The following SPON1 variants were observed in gnomAD, a reference collection of about 807,000 sequenced individuals.
SPON1 encodes the protein spondin 1.
In SPON1, 52 loss-of-function variants were observed where a neutral mutation model predicts 111.7. The ratio of observed to expected loss-of-function variants is 0.47; its 90% CI spans 0.37 to 0.59. The LOEUF (loss-of-function observed/expected upper bound fraction) is 0.59, where lower values mean the gene tolerates loss of function less well. Ranked by LOEUF, SPON1 falls within the 20% of genes least tolerant of loss-of-function variation. The pLI is 0.00. For synonymous variants in SPON1, 410 were observed against 395.8 expected (o/e 1.04, Z -0.43); for missense variants, 957 against 1,068.5 (o/e 0.90, Z 1.46).
At chr11:14,132,005 G>T (rs113519070) in intron 5 of SPON1, among the ~76,000 whole-genome samples, 1 of 152,204 alleles carries the variant, frequency 6.6e-6, no homozygotes, top group Non-Finnish European at 1.5e-5. Context: ...TAGGTCGGGC[G>T]CAGTGGCTCA....
chr11:14,047,495 C>G (rs1480815037), intron 3 of SPON1, among the ~76,000 whole-genome samples: 1 of 152,164 alleles, frequency 6.6e-6, no homozygotes, highest in Non-Finnish European at 1.5e-5. Flanking sequence ...TTTCAAAACA[C>G]TTTCAGCCTA....
chr11:14,095,432 AT>A (rs1849092584), intron 5 of SPON1, among the ~76,000 whole-genome samples: 1 of 138,312 alleles, frequency 7.2e-6, no homozygotes, highest in African/African-American at 2.5e-5. Flanking sequence ...AGATAGATAG[AT>A]AGATAGATAG....
At chr11:14,157,424 G>T (rs1554930492) in intron 6 of SPON1, among the ~76,000 whole-genome samples, 1 of 152,072 alleles carries the variant, frequency 6.6e-6, no homozygotes, top group African/African-American at 2.4e-5. Flanking sequence ...TTGCTTGTTA[G>T]AAAATAACAT....
At chr11:14,023,950 C>T (rs1456606668) in intron 2 of SPON1, among the ~76,000 whole-genome samples, 3 of 150,262 alleles carry the variant, frequency 2.0e-5, no homozygotes, top group Admixed American at 2.0e-4. Context: ...TGGAGTGAGC[C>T]AAGATTGGGC....
chr11:14,239,354 A>G (rs1554939478), intron 6 of SPON1, among the ~76,000 whole-genome samples: 2 of 152,188 alleles, frequency 1.3e-5, no homozygotes, highest in Non-Finnish European at 2.9e-5. Context: ...TAGTCCCCCT[A>G]ACAAGCACAT....
rs1554907624 is a variant in SPON1, at chr11:13,962,916, C to T, written c.12C>T (p.Ser4=). 6.5e-7 allele frequency: 1 copy of T among 1,544,998 alleles called. No individual in the cohort carries two copies. The highest frequency in any genetic ancestry group is 1.2e-5 in the South Asian group (1 of 82,856). The change falls in exon 1 of 16, where the codon TCC becomes TCT. Residue 4 remains serine, a synonymous_variant. Transcript: ENST00000576479. ...TGGGGGCCGCGAAGATGAGGCTGTC[C>T]CCGGCGCCCCTGAAGCTGAGCCGGA... The part of the protein sequence containing the change: MRL[S]PAPLKLSRTP...
At chr11:14,160,657 TTATA>T (rs1222553349) in intron 6 of SPON1, among the ~76,000 whole-genome samples, 1 of 25,416 alleles carries the variant, frequency 3.9e-5, no homozygotes, top group Non-Finnish European at 6.8e-5. Flanking sequence ...ATTTATATAT[TTATA>T]TATATATTTA....
intron 3 of SPON1, among the ~76,000 whole-genome samples, chr11:14,060,616 C>T (rs373302330): frequency 3.3e-5 from 5 of 152,196 alleles, no homozygotes; most frequent in African/African-American, 1.2e-4. Context: ...CTTACCTGTC[C>T]TTTGGCCCCA....
At chr11:13,997,750 A>G (rs1848284733) in intron 2 of SPON1, among the ~76,000 whole-genome samples, 1 of 152,246 alleles carries the variant, frequency 6.6e-6, no homozygotes, top group Non-Finnish European at 1.5e-5. Flanking sequence ...GTAAAATAAA[A>G]TGAAAAATTT....
At chr11:14,148,676 A>T (rs971009470) in intron 6 of SPON1, among the ~76,000 whole-genome samples, 1 of 152,184 alleles carries the variant, frequency 6.6e-6, no homozygotes, top group Admixed American at 6.5e-5. Flanking sequence ...GTGGCAACAC[A>T]GGACTTTTGA....
At chr11:14,191,056 G>A (rs1564927679) in intron 6 of SPON1, among the ~76,000 whole-genome samples, 1 of 152,134 alleles carries the variant, frequency 6.6e-6, no homozygotes, top group Non-Finnish European at 1.5e-5. Context: ...TTATTTAGAA[G>A]CCCATTTACA....
intron 6 of SPON1, among the ~76,000 whole-genome samples, chr11:14,177,785 CA>C (rs1848193993): frequency 6.6e-6 from 1 of 152,034 alleles, no homozygotes; most frequent in South Asian, 2.1e-4. Context: ...AAGTTTCTCC[CA>C]AAGTTAGTTC....
intron 6 of SPON1, among the ~76,000 whole-genome samples, chr11:14,162,813 G>C (rs1242800813): frequency 6.6e-6 from 1 of 152,210 alleles, no homozygotes; most frequent in African/African-American, 2.4e-5. Flanking sequence ...AGAAGCAGAA[G>C]CGTGCTGCCA....
chr11:14,058,073 G>T (rs563462466), intron 3 of SPON1, among the ~76,000 whole-genome samples: 32 of 152,168 alleles, frequency 2.1e-4, no homozygotes, highest in South Asian at 8.3e-4. Context: ...GAGGAAAAAA[G>T]AGCTATATTG....
At chr11:14,234,749 G>A (rs1233043450) in intron 6 of SPON1, among the ~76,000 whole-genome samples, 3 of 152,152 alleles carry the variant, frequency 2.0e-5, no homozygotes, top group African/African-American at 7.2e-5. Context: ...CCATCTCAGG[G>A]GAAAATCATT....
intron 7 of SPON1, among the ~76,000 whole-genome samples, chr11:14,244,784 T>G (rs538288621): frequency 2.0e-5 from 3 of 152,304 alleles, no homozygotes; most frequent in African/African-American, 7.2e-5. Context: ...TGTTGTGTCC[T>G]CTCCTTCTTC....
chr11:14,231,355 G>A (rs149670067), intron 6 of SPON1, among the ~76,000 whole-genome samples: 2 of 151,324 alleles, frequency 1.3e-5, no homozygotes, highest in Non-Finnish European at 2.9e-5. Context: ...GGATGGTCTC[G>A]ATCTCCTGAC....
chr11:14,084,081 A>G (rs1225261950), intron 5 of SPON1, among the ~76,000 whole-genome samples: 1 of 152,188 alleles, frequency 6.6e-6, no homozygotes, highest in African/African-American at 2.4e-5. Context: ...ATGTTTACTC[A>G]AAGGCAGAGA....
intron 14 of SPON1, among the ~76,000 whole-genome samples, 152 bp downstream of exon 14, chr11:14,260,904 A>G (rs1167707794): frequency 6.6e-6 from 1 of 152,194 alleles, no homozygotes; most frequent in African/African-American, 2.4e-5. Flanking sequence ...GCAGTTACTT[A>G]AACACTGCAG....
Sources: gnomAD v4.1 joint callset for allele counts (sites outside exome capture counted in the v4.1 genomes callset) on GRCh38, gnomAD v4.1.1 for gene constraint, MANE v1.5 for transcripts, NCBI Gene and HGNC (gene_info 2026-07-23, HGNC 2026-07-21) for gene names.